NRP1: variants seen among roughly 807,000 people sequenced by gnomAD.
The protein encoded by NRP1 is neuropilin 1, also known as neuropilin-1.
In NRP1, 35 loss-of-function variants were observed where a neutral mutation model predicts 106.7. The observed-to-expected ratio is 0.33, with a 90% CI of 0.25 to 0.43. The LOEUF is 0.43. NRP1 is among the 20% of genes least tolerant of loss of function. The probability of loss-of-function intolerance (pLI) is 1.00; values close to 1 mark genes in which losing one functional copy is unlikely to be tolerated. For synonymous variants in NRP1, 437 were observed against 417.9 expected (o/e 1.05, Z -0.56); for missense variants, 1,024 against 1,170.4 (o/e 0.87, Z 1.83).
chr10:33,308,340 T>C (rs1042409670), intron 2 of NRP1, among the ~76,000 whole-genome samples: 3 of 150,924 alleles, frequency 2.0e-5, no homozygotes, highest in African/African-American at 7.3e-5. Flanking sequence ...AACAAACCTG[T>C]ACACGTACAG....
intron 12 of NRP1, chr10:33,195,676 C>T (rs1836731789): frequency 4.4e-6 from 2 of 459,148 alleles, no homozygotes; most frequent in Non-Finnish European, 8.8e-6. Context: ...CTCAAGTCCC[C>T]ATGCAATATT....
intron 4 of NRP1, among the ~76,000 whole-genome samples, chr10:33,262,351 A>C (rs905706414): frequency 6.6e-6 from 1 of 152,206 alleles, no homozygotes; most frequent in African/African-American, 2.4e-5. Context: ...TTAGATGTCC[A>C]TATGGCTATT....
At chr10:33,190,535 C>T (rs1161002891) in intron 13 of NRP1, among the ~76,000 whole-genome samples, 2 of 152,148 alleles carry the variant, frequency 1.3e-5, no homozygotes, top group African/African-American at 2.4e-5. Context: ...TGGTTATATT[C>T]ACTGGGAGAA....
At chr10:33,226,107 G>C in intron 7 of NRP1, 27 bp downstream of exon 7, 1 of 1,610,688 alleles carries the variant, frequency 6.2e-7, no homozygotes. Flanking sequence ...AGACCAAATT[G>C]GTTGCCACGG....
At chr10:33,187,777 T>C (rs2070301) in intron 13 of NRP1, among the ~76,000 whole-genome samples, 48,702 of 152,060 alleles carry the variant, frequency 0.32, 8,381 homozygotes, top group East Asian at 0.63. Flanking sequence ...AAGAGACTTG[T>C]GTGTTTGCAA....
intron 2 of NRP1, among the ~76,000 whole-genome samples, chr10:33,281,532 G>A (rs770303652): frequency 2.6e-5 from 4 of 152,150 alleles, no homozygotes; most frequent in Non-Finnish European, 5.9e-5. Context: ...ACCTCACAAA[G>A]TGTCACAGGG....
chr10:33,194,438 C>A, intron 12 of NRP1: 1 of 214,328 alleles, frequency 4.7e-6, no homozygotes, highest in Non-Finnish European at 9.7e-6. Context: ...TGACATCATC[C>A]ATTCTTTTGG....
chr10:33,213,837 A>C (rs1422032982), intron 8 of NRP1, 120 bp from the exon 9 acceptor site: 2 of 793,580 alleles, frequency 2.5e-6, no homozygotes, highest in Non-Finnish European at 3.9e-6. Context: ...TACAATTTTC[A>C]GTCTCTGGAT....
In NRP1 at chr10:33,202,935, T is replaced by A; in HGVS notation, c.1820A>T (p.Gln607Leu). 3 of 1,614,234 alleles carry A rather than the reference T, an allele frequency of 1.9e-6. No individual in the cohort carries two copies. Among genetic ancestry groups the A allele is most frequent in the Non-Finnish European group, 2.5e-6 (3 of 1,180,036 alleles). ...GNLVDECDDD[Q>L]ANCHSGTGDD... Reference sequence around the variant, plus strand: ...ACCTGTTCCACTGTGGCAGTTGGCCTGGTCGTCATCACATTCATCCACCAA... The same window carrying A: ...ACCTGTTCCACTGTGGCAGTTGGCCAGGTCGTCATCACATTCATCCACCAA... Residue 607 changes from glutamine to leucine, a missense_variant, in exon 11 of 17, where the codon CAG (glutamine) becomes CTG (leucine). Transcript: ENST00000374867.
chr10:33,226,114 A>G lies in NRP1; in HGVS notation c.1137+20T>C, dbSNP rs1451280844. 7 of 1,612,484 alleles carry G rather than the reference A, an allele frequency of 4.3e-6. No homozygotes were observed. The Admixed American group carries it at 1.0e-4, about 23-fold the overall frequency. ...CATTTAAAAGACCAAATTGGTTGCC[A>G]CGGTGGCAGCCTAACTTACAACAGG... On this transcript the variant is annotated intron_variant, in intron 7 of 16. Transcript: ENST00000374867.
chr10:33,332,951 T>C (rs1230370749), intron 1 of NRP1, among the ~76,000 whole-genome samples: 1 of 152,130 alleles, frequency 6.6e-6, no homozygotes, highest in African/African-American at 2.4e-5. Flanking sequence ...GCTCTTTGCA[T>C]TGAGCTTCAA....
chr10:33,269,257 T>C (rs1236263611), intron 3 of NRP1, among the ~76,000 whole-genome samples: 1 of 152,216 alleles, frequency 6.6e-6, no homozygotes, highest in Non-Finnish European at 1.5e-5. Flanking sequence ...CAGATAAAGT[T>C]ACATGTTTGT....
At chr10:33,299,639 G>A (rs757498786) in intron 2 of NRP1, among the ~76,000 whole-genome samples, 2 of 152,018 alleles carry the variant, frequency 1.3e-5, no homozygotes, top group Admixed American at 1.3e-4. Flanking sequence ...TTTAAAAATC[G>A]GCTGGTTTTA....
chr10:33,206,485 T>C (rs1837794311), intron 10 of NRP1: 1 of 323,740 alleles, frequency 3.1e-6, no homozygotes, highest in Non-Finnish European at 6.2e-6. Context: ...GGTATGGTGA[T>C]TGATAGCTCA....
intron 3 of NRP1, among the ~76,000 whole-genome samples, chr10:33,268,316 G>T (rs534782135): frequency 6.6e-5 from 10 of 152,014 alleles, no homozygotes; most frequent in African/African-American, 2.4e-4. Flanking sequence ...GCTGTGAGCA[G>T]GATAGAGTCA....
chr10:33,290,929 G>A (rs1488838839), intron 2 of NRP1, among the ~76,000 whole-genome samples: 1 of 152,172 alleles, frequency 6.6e-6, no homozygotes. Context: ...CTCGTGGCCT[G>A]ACATTTTTAA....
At chr10:33,331,076 C>T (rs1412670751) in intron 1 of NRP1, among the ~76,000 whole-genome samples, 194 bp from the exon 2 acceptor site, 1 of 152,168 alleles carries the variant, frequency 6.6e-6, no homozygotes, top group East Asian at 1.9e-4. Context: ...GGAAGGTTGA[C>T]TCAGGCAGAA....
At chr10:33,254,607 A>G (rs992747493) in intron 5 of NRP1, among the ~76,000 whole-genome samples, 3 of 152,230 alleles carry the variant, frequency 2.0e-5, no homozygotes, top group Non-Finnish European at 2.9e-5. Context: ...AATTGAAAAA[A>G]GACTCTATGT....
intron 2 of NRP1, among the ~76,000 whole-genome samples, chr10:33,297,883 C>T (rs1282849977): frequency 6.6e-6 from 1 of 151,330 alleles, no homozygotes; most frequent in Non-Finnish European, 1.5e-5. Context: ...GGTCTCCTGC[C>T]CTATGAAAAC....
Sources: gnomAD v4.1 joint callset for allele counts (sites outside exome capture counted in the v4.1 genomes callset) on GRCh38, gnomAD v4.1.1 for gene constraint, MANE v1.5 for transcripts, NCBI Gene and HGNC (gene_info 2026-07-23, HGNC 2026-07-21) for gene names.